Variants in LRP5 observed in about 807,000 individuals in gnomAD.
LRP5 encodes low-density lipoprotein receptor-related protein 5.
Under a neutral mutation model 154.1 loss-of-function variants are expected in LRP5, and 62 were observed. The observed-to-expected ratio is 0.40, with a 90% CI of 0.33 to 0.50. The LOEUF is 0.50. Ranked by LOEUF, LRP5 falls within the 20% of genes least tolerant of loss-of-function variation. The pLI, the probability that LRP5 is intolerant of heterozygous loss-of-function variation, is 0.55. For synonymous variants in LRP5, 966 were observed against 1,011.5 expected (o/e 0.96, Z 0.85); for missense variants, 1,915 against 2,336.7 (o/e 0.82, Z 3.72).
At chr11:68,427,975 T>TTTTA (rs1216983586) in intron 16 of LRP5, among the ~76,000 whole-genome samples, 81 of 43,434 alleles carry the variant, frequency 1.9e-3, no homozygotes, top group African/African-American at 2.8e-3. Context: ...ATTTTATTTT[T>TTTTA]TTTATTTATT....
chr11:68,362,349 C>T (rs1190434453), intron 3 of LRP5, among the ~76,000 whole-genome samples: 108 of 152,272 alleles, frequency 7.1e-4, no homozygotes, highest in Non-Finnish European at 3.8e-4. Context: ...GGAGGCTGCA[C>T]CGCCTTGCGA....
chr11:68,307,921 T>G (rs543655338), upstream of LRP5, among the ~76,000 whole-genome samples: 1 of 152,350 alleles, frequency 6.6e-6, no homozygotes, highest in Admixed American at 6.5e-5. Context: ...GATATCATGA[T>G]TCCCACTTTT....
chr11:68,412,991 C>T (rs896803282), intron 11 of LRP5: 5 of 179,232 alleles, frequency 2.8e-5, no homozygotes, highest in African/African-American at 4.7e-5. Context: ...AGTTGAACCC[C>T]GTGTCCTGGT....
intron 12 of LRP5, among the ~76,000 whole-genome samples, chr11:68,414,868 A>G (rs1238686568): frequency 6.6e-6 from 1 of 152,194 alleles, no homozygotes; most frequent in African/African-American, 2.4e-5. Context: ...GGCCTGGGCC[A>G]GAGTCTGGGA....
At chr11:68,330,542 A>T (rs1285250829) in intron 1 of LRP5, among the ~76,000 whole-genome samples, 1 of 152,208 alleles carries the variant, frequency 6.6e-6, no homozygotes, top group Non-Finnish European at 1.5e-5. Context: ...GGTGGGCTCC[A>T]TGGGGTTCTG....
At position 68,374,200 on chromosome 11, in the gene LRP5, C is replaced by T. The variant is rs574139995; in HGVS notation, c.1015+8498C>T. On this transcript the variant is annotated intron_variant, in intron 5 of 22. Coordinates refer to ENST00000294304, the MANE Select transcript of LRP5 (RefSeq NM_002335.4). ...CGGGCAGACTGACAGCTGGAGCCGA[C>T]GGCAAAGCCCCTCACGTCCCTCCGT... 2.8e-4 allele frequency among the ~76,000 whole-genome samples: 43 copies of T among 152,334 alleles called. No individual in the cohort carries two copies. In the South Asian group the frequency reaches 3.1e-3, roughly 11 times the overall value.
At chr11:68,303,662 T>A in the LRP5 span, among the ~76,000 whole-genome samples, 3 of 152,082 alleles carry the variant, frequency 2.0e-5, no homozygotes, top group Non-Finnish European at 4.4e-5. Context: ...CCAAGCTAAT[T>A]TTTTTGTATT....
chr11:68,436,275 G>A (rs1276087820), intron 18 of LRP5, among the ~76,000 whole-genome samples: 1 of 152,176 alleles, frequency 6.6e-6, no homozygotes. Context: ...CAGGGCAGGT[G>A]GGGAACTGAG....
chr11:68,373,194 G>A (rs189891511), intron 5 of LRP5, among the ~76,000 whole-genome samples: 26 of 152,324 alleles, frequency 1.7e-4, no homozygotes, highest in Non-Finnish European at 3.4e-4. Flanking sequence ...AGTTACAGGC[G>A]AAGACATTTC....
intron 1 of LRP5, among the ~76,000 whole-genome samples, chr11:68,323,857 C>G (rs966996307): frequency 2.6e-5 from 4 of 152,228 alleles, no homozygotes; most frequent in African/African-American, 7.2e-5. Flanking sequence ...GCCACCTGGT[C>G]GCTGCTCAGG....
At chr11:68,396,261 C>T (rs1353516800) in intron 7 of LRP5, among the ~76,000 whole-genome samples, 2 of 152,088 alleles carry the variant, frequency 1.3e-5, no homozygotes, top group Non-Finnish European at 2.9e-5. Flanking sequence ...TTTTAAGATG[C>T]TATGTCGGGA....
chr11:68,314,595 C>T (rs1352992199), intron 1 of LRP5, among the ~76,000 whole-genome samples: 2 of 152,224 alleles, frequency 1.3e-5, no homozygotes, highest in Non-Finnish European at 2.9e-5. Flanking sequence ...TGTGAACGCA[C>T]GGAAATGGCT....
In LRP5 at chr11:68,386,697, T is replaced by G; in HGVS notation, c.1397T>G (p.Leu466Arg). 6.2e-7 allele frequency: 1 copy of G among 1,613,180 alleles called. No homozygotes were observed. Among genetic ancestry groups the G allele is most frequent in the Non-Finnish European group, 8.5e-7 (1 of 1,179,860 alleles). Residue 466 changes from leucine (L) to arginine (R), a missense_variant, in exon 6 of 23, where the codon CTG (leucine) becomes CGG (arginine). Transcript: ENST00000294304. The surrounding 1 kb of genome is among the most constrained non-coding windows in gnomAD (Gnocchi z 7.9). ...CTGGACGAGCCCCGAGCCATCGCAC[T>G]GCACCCCGTGATGGGGTAAGACGGG... is the stretch of plus-strand genomic sequence containing the variant. ...EDLDEPRAIA[L>R]HPVMGLMYWT...
chr11:68,347,854 G>T lies in LRP5; in HGVS notation c.99G>T (p.Pro33=), dbSNP rs375594120. ...TTTGCTTCTGCCCCACAGCCTCGCC[G>T]CTCCTGCTATTTGCCAACCGCCGGG... The part of the protein sequence containing the change: ...CGCPAPAAAS[P]LLLFANRRDV... The change falls in exon 2 of 23, where the codon CCG becomes CCT. Residue 33 remains proline (P), a synonymous_variant. Transcript: ENST00000294304. 11 of 1,613,288 alleles carry T rather than the reference G, an allele frequency of 6.8e-6. No individual in the cohort carries two copies. In the African/African-American group the frequency reaches 1.3e-4, roughly 20 times the overall value.
intron 1 of LRP5, among the ~76,000 whole-genome samples, chr11:68,316,591 G>A (rs1380328551): frequency 1.3e-5 from 2 of 152,196 alleles, no homozygotes; most frequent in Non-Finnish European, 2.9e-5. Flanking sequence ...CCTTTTTGTG[G>A]CTGAATAATA....
chr11:68,341,524 G>C (rs1184831217), intron 1 of LRP5, among the ~76,000 whole-genome samples: 1 of 152,136 alleles, frequency 6.6e-6, no homozygotes, highest in Non-Finnish European at 1.5e-5. Flanking sequence ...CCTGGGGCAG[G>C]CCAAGGTATC....
chr11:68,392,579 G>A (rs1366366507), intron 7 of LRP5, among the ~76,000 whole-genome samples: 1 of 152,126 alleles, frequency 6.6e-6, no homozygotes, highest in East Asian at 1.9e-4. Context: ...TGTGGTGCAG[G>A]TATCTCTGCT....
chr11:68,310,830 G>A (rs2098587294), upstream of LRP5, among the ~76,000 whole-genome samples: 1 of 152,030 alleles, frequency 6.6e-6, no homozygotes, highest in African/African-American at 2.4e-5. Context: ...TGCACCTGGT[G>A]TGTTTGAGAA....
Position 68,347,884 on chromosome 11 carries a change from A to T in LRP5, c.129A>T (p.Val43=), listed in dbSNP as rs144719110. The T allele has an allele frequency of 2.5e-6, 4 of 1,613,430 alleles. No individual in the cohort carries two copies. In the African/African-American group the frequency reaches 4.0e-5, roughly 16 times the overall value. The change falls in exon 2 of 23, where the codon GTA becomes GTT. Residue 43 remains valine, a synonymous_variant. Transcript: ENST00000294304. ...TGCTATTTGCCAACCGCCGGGACGT[A>T]CGGCTGGTGGACGCCGGCGGAGTCA... is the stretch of plus-strand genomic sequence containing the variant. ...PLLLFANRRD[V]RLVDAGGVKL...
Sources: gnomAD v4.1 joint callset for allele counts (sites outside exome capture counted in the v4.1 genomes callset) on GRCh38, gnomAD v4.1.1 for gene constraint, Gnocchi (gnomAD v3.1) non-coding constraint, MANE v1.5 for transcripts, NCBI Gene and HGNC (gene_info 2026-07-23, HGNC 2026-07-21) for gene names.